AK8: variants seen among roughly 807,000 people sequenced by gnomAD.
The protein encoded by AK8 is ATP-AMP transphosphorylase 8.
A neutral mutation model predicts 54.6 loss-of-function variants in AK8; 44 were observed. The ratio of observed to expected loss-of-function variants is 0.81; its 90% CI spans 0.63 to 1.04. AK8 has a LOEUF of 1.04. Ranked by LOEUF, AK8 falls within the 50% of genes least tolerant of loss-of-function variation. The pLI is 0.00. For missense variants in AK8, 555 were observed against 613.6 expected (o/e 0.90, Z 1.01); for synonymous variants, 239 against 245.6 (o/e 0.97, Z 0.25).
chr9:132,833,314 C>T (rs1564427995), intron 5 of AK8, among the ~76,000 whole-genome samples: 1 of 152,208 alleles, frequency 6.6e-6, no homozygotes, highest in Admixed American at 6.5e-5. Context: ...GCTACAAATT[C>T]TGGCAAAGCA....
chr9:132,731,360 C>T (rs566240999), intron 11 of AK8, among the ~76,000 whole-genome samples: 6 of 152,152 alleles, frequency 3.9e-5, no homozygotes, highest in East Asian at 1.9e-4. Flanking sequence ...CTCCTAGCAA[C>T]GTGGTAAAGG....
intron 11 of AK8, among the ~76,000 whole-genome samples, chr9:132,749,363 C>T (rs190321375): frequency 8.6e-5 from 13 of 152,018 alleles, no homozygotes; most frequent in East Asian, 1.9e-4. Flanking sequence ...AGGTGCTGGA[C>T]GCTCTGGCCT....
chr9:132,726,118 G>A (rs768699169), intron 12 of AK8, among the ~76,000 whole-genome samples, 193 bp from the exon 13 acceptor site: 12 of 152,188 alleles, frequency 7.9e-5, no homozygotes, highest in Admixed American at 5.2e-4. Context: ...GATCCAAGAT[G>A]TGCTCCCCGC....
chr9:132,755,725 C>T (rs1477496974), intron 11 of AK8, among the ~76,000 whole-genome samples: 1 of 151,898 alleles, frequency 6.6e-6, no homozygotes, highest in African/African-American at 2.4e-5. Flanking sequence ...CTTAATTTTA[C>T]AGGCAGAGTT....
At chr9:132,797,840 C>A (rs1316094385) in intron 10 of AK8, among the ~76,000 whole-genome samples, 1 of 152,212 alleles carries the variant, frequency 6.6e-6, no homozygotes, top group African/African-American at 2.4e-5. Context: ...TTTGGGGGAC[C>A]TGCAGTTTGG....
At chr9:132,859,976 G>A (rs991621174) in intron 4 of AK8, among the ~76,000 whole-genome samples, 12 of 151,956 alleles carry the variant, frequency 7.9e-5, no homozygotes, top group African/African-American at 2.9e-4. Context: ...GAGAGGACTG[G>A]GGCCATTTTG....
intron 9 of AK8, 85 bp from the exon 10 acceptor site, chr9:132,814,812 C>T: frequency 8.7e-7 from 1 of 1,155,142 alleles, no homozygotes; most frequent in Non-Finnish European, 1.2e-6. Flanking sequence ...GTGCTGCCTG[C>T]TGAGGGAAAA....
intron 11 of AK8, among the ~76,000 whole-genome samples, chr9:132,748,090 ACT>A (rs1837740654): frequency 6.6e-6 from 1 of 151,740 alleles, no homozygotes; most frequent in South Asian, 2.1e-4. Flanking sequence ...CAAGAGTGAA[ACT>A]CTGTCTCAGA....
At chr9:132,762,637 C>T (rs1311874143) in intron 11 of AK8, among the ~76,000 whole-genome samples, 36 of 152,224 alleles carry the variant, frequency 2.4e-4, no homozygotes, top group Admixed American at 1.9e-3. Context: ...ACATAGAAAA[C>T]GGAAGGAAAC....
chr9:132,843,320 C>T (rs912561599), intron 5 of AK8, among the ~76,000 whole-genome samples: 6 of 152,074 alleles, frequency 3.9e-5, no homozygotes, highest in Admixed American at 6.5e-5. Flanking sequence ...CCTGCTCTGG[C>T]CACATGATGT....
At chr9:132,773,576 G>A (rs142257539) in intron 11 of AK8, among the ~76,000 whole-genome samples, 175 of 152,320 alleles carry the variant, frequency 1.1e-3, no homozygotes, top group African/African-American at 2.2e-3. Flanking sequence ...GCATGCAATC[G>A]ATGTTCCACA....
intron 11 of AK8, among the ~76,000 whole-genome samples, chr9:132,765,002 T>C (rs7038146): frequency 0.033 from 4,985 of 152,192 alleles, 267 homozygotes; most frequent in African/African-American, 0.11. Context: ...ATTAAAAAGA[T>C]CATTCACCAG....
At chr9:132,742,008 G>A (rs924296962) in intron 11 of AK8, among the ~76,000 whole-genome samples, 9 of 152,090 alleles carry the variant, frequency 5.9e-5, no homozygotes, top group Non-Finnish European at 8.8e-5. Context: ...GAATATCCAC[G>A]AGGGCCAATG....
intron 11 of AK8, among the ~76,000 whole-genome samples, chr9:132,753,991 G>C (rs1838070326): frequency 6.6e-6 from 1 of 152,214 alleles, no homozygotes; most frequent in Admixed American, 6.5e-5. Context: ...CTGGAGCCCG[G>C]AGTGCGGTTC....
rs1564409345 is a variant in AK8, at chr9:132,803,025, T to C, written c.980-10250A>G. ...GGAGGCCTTGGGAAACTTACAATCA[T>C]GGCAGAAGGGGAAGCAAACACGTCC... On this transcript the variant is annotated intron_variant, in intron 10 of 12. Coordinates refer to ENST00000298545, the MANE Select transcript of AK8 (RefSeq NM_152572.3). This position sits in a 1 kb window ranked among gnomAD's most constrained non-coding sequence, Gnocchi z 4.4. Among the ~76,000 whole-genome samples the C allele has an allele frequency of 6.6e-6, 1 of 152,144 alleles. No individual in the cohort carries two copies. The highest frequency in any genetic ancestry group is 1.5e-5 in the Non-Finnish European group (1 of 68,032).
intron 11 of AK8, among the ~76,000 whole-genome samples, chr9:132,728,838 C>T (rs1046774054): frequency 2.6e-5 from 4 of 152,170 alleles, no homozygotes; most frequent in African/African-American, 9.7e-5. Context: ...TCTCAAACTC[C>T]TAGTTCCAAT....
At chr9:132,742,651 C>CT (rs1050438312) in intron 11 of AK8, among the ~76,000 whole-genome samples, 4 of 152,208 alleles carry the variant, frequency 2.6e-5, no homozygotes, top group Non-Finnish European at 5.9e-5. Context: ...ACTTTGGGCT[C>CT]TTTTCCTGGT....
At chr9:132,805,244 C>T (rs1162340780) in intron 10 of AK8, among the ~76,000 whole-genome samples, 1 of 152,188 alleles carries the variant, frequency 6.6e-6, no homozygotes, top group Non-Finnish European at 1.5e-5. Flanking sequence ...TCTGTGCACT[C>T]CGGCTCTCCT....
In AK8 at chr9:132,866,971, T is replaced by G. The variant is rs1210290300; in HGVS notation, c.170-18A>C. 9.3e-6 allele frequency: 15 copies of G among 1,613,702 alleles called. No homozygotes were observed. Among genetic ancestry groups the G allele is most frequent in the Non-Finnish European group, 1.2e-5 (14 of 1,179,710 alleles). On this transcript the variant is annotated intron_variant, in intron 2 of 12. Coordinates refer to ENST00000298545, the MANE Select transcript of AK8 (RefSeq NM_152572.3). Reference sequence around the variant, plus strand: ...CCTGGGCACTGTGGAATAAAAAGATTTGAATGTCACCACTCAACATGACAA... The same window carrying G: ...CCTGGGCACTGTGGAATAAAAAGATGTGAATGTCACCACTCAACATGACAA...
Sources: gnomAD v4.1 joint callset for allele counts (sites outside exome capture counted in the v4.1 genomes callset) on GRCh38, gnomAD v4.1.1 for gene constraint, Gnocchi (gnomAD v3.1) non-coding constraint, MANE v1.5 for transcripts, NCBI Gene and HGNC (gene_info 2026-07-23, HGNC 2026-07-21) for gene names.